The following EHBP1L1 variants were observed in gnomAD, a reference collection of about 807,000 sequenced individuals.
EHBP1L1 encodes the protein EH domain-binding protein 1-like protein 1.
Under a neutral mutation model 151.1 loss-of-function variants are expected in EHBP1L1, and 122 were observed. That is an observed-to-expected ratio of 0.81 (90% CI 0.70 to 0.94). EHBP1L1 has a LOEUF of 0.94. EHBP1L1 is among the 40% of genes least tolerant of loss of function. The pLI, the probability that EHBP1L1 is intolerant of heterozygous loss-of-function variation, is 0.00. For missense variants in EHBP1L1, 1,941 were observed against 1,959.8 expected, an observed-to-expected ratio of 0.99 and a Z score of 0.18; for synonymous variants, 878 against 810.1, an observed-to-expected ratio of 1.08 and a Z score of -1.42.
At chr11:65,579,834 A>AAG (rs1427435740) in intron 3 of EHBP1L1, 102 bp from the exon 4 acceptor site, 1 of 1,326,860 alleles carries the variant, frequency 7.5e-7, no homozygotes, top group African/African-American at 1.5e-5. Flanking sequence ...CTCAAAAAAA[A>AAG]AAAAAAAGCC....
chr11:65,583,779 C>T lies in EHBP1L1; in HGVS notation c.3093+14C>T. The T allele has an allele frequency of 1.4e-6, 2 of 1,462,082 alleles. No homozygotes were observed. The highest frequency in any genetic ancestry group is 1.8e-6 in the Non-Finnish European group (2 of 1,111,774). 90.6% of individuals were successfully genotyped at this position (1,462,082 alleles called of 1,614,324 possible). A position where few individuals can be genotyped will look rare whatever the true frequency, so the allele number is the denominator to read the frequency against. On this transcript the variant is annotated intron_variant, in intron 9 of 18. Coordinates refer to ENST00000309295, the MANE Select transcript of EHBP1L1 (RefSeq NM_001099409.3). Reference sequence around the variant, plus strand: ...CCGGGCAGCCAGGTAGGGATGGGGGCCGCCGAGGGCCCAGTCTGCTGCTTC... The same window carrying T: ...CCGGGCAGCCAGGTAGGGATGGGGGTCGCCGAGGGCCCAGTCTGCTGCTTC...
chr11:65,576,147 G>A lies in EHBP1L1; in HGVS notation c.-156G>A. 1 of 488,840 alleles carries A rather than the reference G, an allele frequency of 2.0e-6. No homozygotes were observed. 30.3% of individuals were successfully genotyped at this position (488,840 alleles called of 1,614,324 possible). A position where few individuals can be genotyped will look rare whatever the true frequency, so the allele number is the denominator to read the frequency against. ...AGACCACCCTGCGGGCCCCAGCGGC[G>A]GCAGCGGAGAGCGCGGTCCCGGGTC... On this transcript the variant is annotated 5_prime_UTR_variant, in exon 1 of 19. Transcript: ENST00000309295.
At position 65,582,659 on chromosome 11, in the gene EHBP1L1, GT is replaced by G. The variant is rs1172127454; in HGVS notation, c.1991del (p.Leu664CysfsTer7). ...TQKTEAGGSG[V>X]LQTRTTIAET... Reference sequence around the variant, plus strand: ...GAAAACAGAAGCTGGGGGTTCAGGAGTTTTGCAGACAAGAACTACGATAGCA... The same window carrying G: ...GAAAACAGAAGCTGGGGGTTCAGGAGTTTGCAGACAAGAACTACGATAGCA... On this transcript the variant is annotated frameshift_variant, in exon 9 of 19. Coordinates refer to ENST00000309295, the MANE Select transcript of EHBP1L1 (RefSeq NM_001099409.3). LOFTEE classifies it high-confidence loss of function. 2 of 1,613,560 alleles carry G rather than the reference GT, an allele frequency of 1.2e-6. No individual in the cohort carries two copies. Among genetic ancestry groups the G allele is most frequent in the East Asian group, 2.2e-5 (1 of 44,890 alleles).
At position 65,580,598 on chromosome 11, in the gene EHBP1L1, TCCCAACCAACCCAGCAG is replaced by T. The variant is rs1363317253; in HGVS notation, c.634+122_634+138del. The T allele has an allele frequency of 3.7e-6, 5 of 1,354,456 alleles. No homozygotes were observed. In the African/African-American group the frequency reaches 7.3e-5, roughly 20 times the overall value. 83.9% of individuals were successfully genotyped at this position (1,354,456 alleles called of 1,614,324 possible). A position where few individuals can be genotyped will look rare whatever the true frequency, so the allele number is the denominator to read the frequency against. On this transcript the variant is annotated intron_variant, in intron 6 of 18. Coordinates refer to ENST00000309295, the MANE Select transcript of EHBP1L1 (RefSeq NM_001099409.3). ...TGGGAACTCATTACTGCCCAGGCAGTCCCAACCAACCCAGCAGCCTCAATTGTCCCAACCTGGCTGCT... is the reference window on the plus strand; with the variant it reads ...TGGGAACTCATTACTGCCCAGGCAGTCCTCAATTGTCCCAACCTGGCTGCT...
intron 1 of EHBP1L1, among the ~76,000 whole-genome samples, chr11:65,577,659 C>G (rs551286900): frequency 6.6e-6 from 1 of 152,140 alleles, no homozygotes; most frequent in Non-Finnish European, 1.5e-5. Context: ...GGCTGCCCAG[C>G]CAAGCCCTGC....
chr11:65,585,460 C>T lies in EHBP1L1; in HGVS notation c.3802C>T (p.Pro1268Ser), dbSNP rs1182788603. ...CGGGGAGCCCGGGTCGGTGCCCCCG[C>T]CCCGCGCGCACGGCTCCTTCTCCCA... ...VNGEPGSVPP[P>S]RAHGSFSHVR... Residue 1268 changes from proline to serine, a missense_variant, in exon 12 of 19, where the codon CCC (proline) becomes TCC (serine). By Grantham distance (74) the Pro-to-Ser change is moderately conservative. Coordinates refer to ENST00000309295, the MANE Select transcript of EHBP1L1 (RefSeq NM_001099409.3). The surrounding 1 kb of genome is among the most constrained non-coding windows in gnomAD (Gnocchi z 4.0). The T allele has an allele frequency of 6.5e-7, 1 of 1,527,964 alleles. No homozygotes were observed. The highest frequency in any genetic ancestry group is 2.5e-5 in the East Asian group (1 of 40,294). The allele number at this position is 1,527,964 out of a possible 1,614,324, so 94.7% of individuals were successfully genotyped here.
rs1857923423 is a variant in EHBP1L1, at chr11:65,585,534, C to G, written c.3876C>G (p.Asn1292Lys). 7 of 1,576,602 alleles carry G rather than the reference C, an allele frequency of 4.4e-6. No individual in the cohort carries two copies. The highest frequency in any genetic ancestry group is 6.0e-6 in the Non-Finnish European group (7 of 1,168,874). Reference protein sequence around the residue: ...LLKKRRSRLRNSSSFSMDDPD... With the variant: ...LLKKRRSRLRKSSSFSMDDPD... ...AGAAGAGGCGCTCGCGGCTGCGGAACAGCAGCTCGTTCTCGATGGACGATC... is the reference window on the plus strand; with the variant it reads ...AGAAGAGGCGCTCGCGGCTGCGGAAGAGCAGCTCGTTCTCGATGGACGATC... Residue 1292 changes from asparagine (N) to lysine (K), a missense_variant, in exon 12 of 19, where the codon AAC becomes AAG. Asn to Lys is a moderately conservative substitution (Grantham distance 94). Coordinates refer to ENST00000309295, the MANE Select transcript of EHBP1L1 (RefSeq NM_001099409.3). The surrounding 1 kb of genome is among the most constrained non-coding windows in gnomAD (Gnocchi z 4.0).
At position 65,583,191 on chromosome 11, in the gene EHBP1L1, G is replaced by A. The variant is rs1857730618; in HGVS notation, c.2519G>A (p.Gly840Glu). The A allele has an allele frequency of 1.2e-6, 2 of 1,613,268 alleles. No homozygotes were observed. The highest frequency in any genetic ancestry group is 1.7e-6 in the Non-Finnish European group (2 of 1,179,814). The part of the protein sequence containing the change: ...GVPGLESEVA[G>E]AQETEVGGSG... ...CCAGGGCTAGAATCTGAGGTAGCTG[G>A]GGCCCAGGAGACAGAGGTCGGGGGT... Residue 840 changes from glycine to glutamate, a missense_variant, in exon 9 of 19, where the codon GGG becomes GAG. Physicochemically the swap from Gly to Glu is moderately conservative, Grantham distance 98 (BLOSUM62 -2). Transcript: ENST00000309295.
rs543622630 is a variant in EHBP1L1, at chr11:65,580,894, C to T, written c.635-164C>T. On this transcript the variant is annotated intron_variant, in intron 6 of 18. Coordinates refer to ENST00000309295, the MANE Select transcript of EHBP1L1 (RefSeq NM_001099409.3). ...CACTGTTGAGGTTCTCTCTCTCTTT[C>T]TCTCCACATCTGTGGGCCTGTCTCT... is the stretch of plus-strand genomic sequence containing the variant. 5 of 1,423,208 alleles carry T rather than the reference C, an allele frequency of 3.5e-6. No individual in the cohort carries two copies. The South Asian group carries it at 7.7e-5, about 22-fold the overall frequency. The allele number at this position is 1,423,208 out of a possible 1,614,324, so 88.2% of individuals were successfully genotyped here. A position where few individuals can be genotyped will look rare whatever the true frequency, so the allele number is the denominator to read the frequency against.
intron 3 of EHBP1L1, 105 bp from the exon 4 acceptor site, chr11:65,579,826 CAAAAA>C: frequency 2.2e-6 from 2 of 897,266 alleles, no homozygotes; most frequent in South Asian, 1.8e-5. Context: ...GACTCCGTCT[CAAAAA>C]AAAAAAAAAA....
At position 65,579,328 on chromosome 11, in the gene EHBP1L1, T is replaced by A. The variant is rs372226517; in HGVS notation, c.163-13T>A. The A allele has an allele frequency of 3.2e-5, 49 of 1,535,920 alleles. No homozygotes were observed. The African/African-American group carries it at 6.4e-4, about 20-fold the overall frequency. ...AGTTAAGATGGGGGGAGGACTCAGA[T>A]TGTCCCTTGTAGGCCCACAGCTGGC... On this transcript the variant is annotated splice_polypyrimidine_tract_variant and intron_variant, in intron 2 of 18. Transcript: ENST00000309295.
In EHBP1L1 at chr11:65,582,990, T is replaced by C. The variant is rs1389013264; in HGVS notation, c.2318T>C (p.Ile773Thr). 3 of 1,613,060 alleles carry C rather than the reference T, an allele frequency of 1.9e-6. No individual in the cohort carries two copies. Among genetic ancestry groups the C allele is most frequent in the Admixed American group, 1.7e-5 (1 of 59,962 alleles). The change falls in exon 9 of 19, where the codon ATA becomes ACA. Residue 773 changes from isoleucine (I) to threonine (T), a missense_variant. Transcript: ENST00000309295. ...GAGACTGGGGCAGCAGAAGGTGCGA[T>C]ATTGGGGACCCAAGAGATAGCATCT... ...GIETGAAEGA[I>T]LGTQEIASRD...
intron 9 of EHBP1L1, 149 bp from the exon 10 acceptor site, chr11:65,584,092 T>C (rs1857797114): frequency 6.8e-7 from 1 of 1,474,250 alleles, no homozygotes; most frequent in Middle Eastern, 2.5e-4. Context: ...GAAACCCTTT[T>C]ACCTGGCCCC....
Position 65,585,171 on chromosome 11 carries a change from C to T in EHBP1L1, c.3513C>T (p.Asp1171=), listed in dbSNP as rs1404747549. The T allele has an allele frequency of 8.3e-6, 11 of 1,328,686 alleles. No homozygotes were observed. The highest frequency in any genetic ancestry group is 1.1e-5 in the Non-Finnish European group (11 of 1,043,730). 82.3% of individuals were successfully genotyped at this position (1,328,686 alleles called of 1,614,324 possible). A position where few individuals can be genotyped will look rare whatever the true frequency, so the allele number is the denominator to read the frequency against. ...GCAGCGCCCAGCCCAGCCCGCCCGACGACCTGGACGCCGGAGGCCTGGCGC... is the reference window on the plus strand; with the variant it reads ...GCAGCGCCCAGCCCAGCCCGCCCGATGACCTGGACGCCGGAGGCCTGGCGC... ...RVGSAQPSPP[D]DLDAGGLAQR... Residue 1171 remains aspartate (D), a synonymous_variant, in exon 12 of 19, where the codon GAC becomes GAT. Transcript: ENST00000309295. The surrounding 1 kb of genome is among the most constrained non-coding windows in gnomAD (Gnocchi z 4.0).
rs1011222837 is a variant in EHBP1L1 at position 65,584,245 on chromosome 11, C to A, written c.3098C>A (p.Pro1033Gln). The change falls in exon 10 of 19, where the codon CCA (proline) becomes CAA (glutamine). Residue 1033 changes from proline to glutamine, a missense_variant. Coordinates refer to ENST00000309295, the MANE Select transcript of EHBP1L1 (RefSeq NM_001099409.3). ...EDRRLPGSQA[P>Q]PALVSSSQSL... Reference sequence around the variant, plus strand: ...AGCCCACCCCTGTGTCCTCAGGCACCACCTGCCCTGGTCAGCTCCAGCCAG... The same window carrying A: ...AGCCCACCCCTGTGTCCTCAGGCACAACCTGCCCTGGTCAGCTCCAGCCAG... 6 of 1,608,874 alleles carry A rather than the reference C, an allele frequency of 3.7e-6. No individual in the cohort carries two copies. Among genetic ancestry groups the A allele is most frequent in the Non-Finnish European group, 5.1e-6 (6 of 1,178,336 alleles).
chr11:65,579,894 C>G, intron 3 of EHBP1L1, 42 bp from the exon 4 acceptor site: 1 of 1,603,748 alleles, frequency 6.2e-7, no homozygotes, highest in South Asian at 1.1e-5. Flanking sequence ...CCCTTTGCTG[C>G]TGCCCCAACA....
At chr11:65,578,168 G>A (rs1346248792) in intron 1 of EHBP1L1, 1 of 152,472 alleles carries the variant, frequency 6.6e-6, no homozygotes, top group Non-Finnish European at 1.5e-5. Flanking sequence ...GTTCAGCTTA[G>A]ATGTCACCCC....
chr11:65,577,794 C>T lies in EHBP1L1; in HGVS notation c.105-1284C>T, dbSNP rs143138385. Among the ~76,000 whole-genome samples, 358 of 152,312 alleles carry T rather than the reference C, an allele frequency of 2.4e-3. 2 individuals carry two copies. Among genetic ancestry groups the T allele is most frequent in the African/African-American group, 8.3e-3 (343 of 41,564 alleles). On this transcript the variant is annotated intron_variant, in intron 1 of 18. Coordinates refer to ENST00000309295, the MANE Select transcript of EHBP1L1 (RefSeq NM_001099409.3). Reference sequence around the variant, plus strand: ...TGGCTCTGGGTTGGAGGGCTCTAGGCTCAACCGTGTAAACTTGTTTGGCTC... The same window carrying T: ...TGGCTCTGGGTTGGAGGGCTCTAGGTTCAACCGTGTAAACTTGTTTGGCTC...
At chr11:65,586,538 G>A (rs576608287) in intron 12 of EHBP1L1, among the ~76,000 whole-genome samples, 1 of 152,380 alleles carries the variant, frequency 6.6e-6, no homozygotes, top group South Asian at 2.1e-4. Flanking sequence ...TGAAAAATGA[G>A]TGGGGTTCTC....
Sources: allele counts gnomAD v4.1 joint callset (sites outside exome capture counted in the v4.1 genomes callset), GRCh38; gene constraint gnomAD v4.1.1; non-coding constraint Gnocchi (gnomAD v3.1); transcripts MANE v1.5; gene names NCBI Gene and HGNC (gene_info 2026-07-23, HGNC 2026-07-21).